Variants in RAF1 observed in about 807,000 individuals in gnomAD.
The protein encoded by RAF1 is Raf-1 proto-oncogene, serine/threonine kinase.
Under a neutral mutation model 81.1 loss-of-function variants are expected in RAF1, and 27 were observed. That is an observed-to-expected ratio of 0.33 (90% CI 0.25 to 0.46). The LOEUF (loss-of-function observed/expected upper bound fraction) is 0.46. Among genes scored for constraint, RAF1 ranks in the 20% least tolerant of loss-of-function variants. The pLI, the probability that RAF1 is intolerant of heterozygous loss-of-function variation, is 1.00. For synonymous variants in RAF1, 298 were observed against 294.0 expected, an observed-to-expected ratio of 1.01 and a Z score of -0.14; for missense variants, 598 against 826.0, an observed-to-expected ratio of 0.72 and a Z score of 3.38.
At chr3:12,589,380 C>T (rs2058430198) in intron 13 of RAF1, 2 of 152,128 alleles carry the variant, frequency 1.3e-5, no homozygotes, top group South Asian at 4.1e-4. Context: ...ACACAGAAGG[C>T]AACTTCCATA....
chr3:12,607,881 G>A (rs1396106779), intron 5 of RAF1, among the ~76,000 whole-genome samples: 2 of 145,362 alleles, frequency 1.4e-5, no homozygotes, highest in African/African-American at 5.1e-5. Flanking sequence ...AACCTGGGAG[G>A]CAGAGGTTGC....
intron 1 of RAF1, among the ~76,000 whole-genome samples, chr3:12,634,297 C>G (rs1440676537): frequency 6.6e-6 from 1 of 151,880 alleles, no homozygotes; most frequent in Non-Finnish European, 1.5e-5. Context: ...CAAGCACACA[C>G]TACCACGCCT....
intron 1 of RAF1, among the ~76,000 whole-genome samples, chr3:12,656,585 A>C (rs2060701212): frequency 6.6e-6 from 1 of 152,214 alleles, no homozygotes. Context: ...TTGCTGTGTA[A>C]GACAAGGTTT....
chr3:12,603,607 A>C (rs1041695321), intron 7 of RAF1: 1 of 643,412 alleles, frequency 1.6e-6, no homozygotes, highest in African/African-American at 1.8e-5. Flanking sequence ...TTCAGTTGTT[A>C]TTAAAGATGA....
Position 12,584,893 on chromosome 3 carries a change from G to A in RAF1, c.1817C>T (p.Ala606Val). ...TTCCTTTACTTTCTTCACACAGTCA[G>A]CTACCAGCCTCTTCATTGCTTTGGG... The change falls in exon 17 of 18, where the codon GCT becomes GTT. Residue 606 changes from alanine to valine, a missense_variant. Physicochemically the swap from Ala to Val is moderately conservative, Grantham distance 64. Around this residue, in one of 5 missense-constraint regions of RAF1, gnomAD observed 147 missense variants for 196.1 expected, o/e 0.75. Transcript: ENST00000442415. The A allele has an allele frequency of 4.3e-6, 7 of 1,614,136 alleles. No homozygotes were observed. Among genetic ancestry groups the A allele is most frequent in the Non-Finnish European group, 5.9e-6 (7 of 1,180,038 alleles).
intron 1 of RAF1, among the ~76,000 whole-genome samples, chr3:12,626,327 C>T (rs571957943): frequency 2.0e-5 from 3 of 151,156 alleles, no homozygotes; most frequent in African/African-American, 4.9e-5. Context: ...TGGCTCTCAC[C>T]TGCAAATCCC....
chr3:12,604,096 T>C, intron 7 of RAF1, 40 bp downstream of exon 7: 3 of 1,611,374 alleles, frequency 1.9e-6, no homozygotes, highest in Non-Finnish European at 2.5e-6. Context: ...CCTCACCCCA[T>C]TAATTGACTG....
chr3:12,663,853 G>A lies in RAF1; in HGVS notation c.-67C>T. 1 of 397,936 alleles carries A rather than the reference G, an allele frequency of 2.5e-6. No individual in the cohort carries two copies. The highest frequency in any genetic ancestry group is 4.4e-6 in the Non-Finnish European group (1 of 225,592). 24.7% of individuals were successfully genotyped at this position (397,936 alleles called of 1,614,324 possible). A position where few individuals can be genotyped will look rare whatever the true frequency, so the allele number is the denominator to read the frequency against. ...CGCCCCAACGTCCTGTCGTTCGGCG[G>A]CAGCTTCTCGCCCGCTCCTCCTCCC... On this transcript the variant is annotated 5_prime_UTR_variant, in exon 1 of 18. Coordinates refer to ENST00000442415, the MANE Select transcript of RAF1 (RefSeq NM_001354689.3).
At position 12,617,874 on chromosome 3, in the gene RAF1, G is replaced by A. The variant is rs1310222504; in HGVS notation, c.207+641C>T. Among the ~76,000 whole-genome samples, 11 of 97,484 alleles carry A rather than the reference G, an allele frequency of 1.1e-4. No homozygotes were observed. In the Admixed American group the frequency reaches 1.2e-3, roughly 10 times the overall value. The allele number at this position is 97,484 out of a possible 152,430, so 64.0% of individuals were successfully genotyped here. A position where few individuals can be genotyped will look rare whatever the true frequency, so the allele number is the denominator to read the frequency against. ...AGCCTGGGTGACAGAGTGAGAATCC[G>A]TCTCAAAAAAAAAAAAAAGAAAAGA... is the stretch of plus-strand genomic sequence containing the variant. On this transcript the variant is annotated intron_variant, in intron 2 of 17. Coordinates refer to ENST00000442415, the MANE Select transcript of RAF1 (RefSeq NM_001354689.3).
At chr3:12,644,318 GTTATT>G (rs2060279688) in intron 1 of RAF1, among the ~76,000 whole-genome samples, 1 of 152,162 alleles carries the variant, frequency 6.6e-6, no homozygotes, top group African/African-American at 2.4e-5. Flanking sequence ...CAGTGAAAAT[GTTATT>G]TTATCAACGT....
chr3:12,622,175 A>G (rs569754254), intron 1 of RAF1, among the ~76,000 whole-genome samples: 1 of 151,980 alleles, frequency 6.6e-6, no homozygotes, highest in South Asian at 2.1e-4. Context: ...TTTTTTCTAG[A>G]TCTTTGAGTT....
intron 8 of RAF1, among the ~76,000 whole-genome samples, chr3:12,602,750 T>C (rs1309834717): frequency 6.6e-6 from 1 of 152,220 alleles, no homozygotes; most frequent in Non-Finnish European, 1.5e-5. Context: ...ATAAAATTTA[T>C]AGCTTATACA....
chr3:12,603,332 A>G, intron 8 of RAF1: 1 of 545,730 alleles, frequency 1.8e-6, no homozygotes, highest in Admixed American at 3.1e-5. Flanking sequence ...TTTTAAAAAG[A>G]AAGAAAGAAA....
chr3:12,655,415 A>G (rs11128609), intron 1 of RAF1, among the ~76,000 whole-genome samples: 1 of 152,216 alleles, frequency 6.6e-6, no homozygotes, highest in Non-Finnish European at 1.5e-5. Flanking sequence ...ATTAAAAAAG[A>G]AAAAATAACA....
At chr3:12,593,147 G>A (rs1348226408) in intron 11 of RAF1, among the ~76,000 whole-genome samples, 1 of 147,818 alleles carries the variant, frequency 6.8e-6, no homozygotes, top group Non-Finnish European at 1.5e-5. Context: ...CTGGAATGCA[G>A]TGGCACAATC....
intron 1 of RAF1, among the ~76,000 whole-genome samples, chr3:12,658,741 C>A (rs938624289): frequency 6.6e-6 from 1 of 152,144 alleles, no homozygotes; most frequent in African/African-American, 2.4e-5. Flanking sequence ...TAAGCCCCAC[C>A]CAGTAAAACC....
intron 1 of RAF1, among the ~76,000 whole-genome samples, chr3:12,648,797 T>C (rs2060431341): frequency 6.6e-6 from 1 of 151,528 alleles, no homozygotes; most frequent in South Asian, 2.1e-4. Context: ...CACTTCCTTC[T>C]GGAGTCAATG....
chr3:12,598,123 A>G (rs1324042475), intron 11 of RAF1, among the ~76,000 whole-genome samples: 1 of 150,802 alleles, frequency 6.6e-6, no homozygotes, highest in Non-Finnish European at 1.5e-5. Context: ...AGCTCAAGCA[A>G]TCTTCCTGCC....
chr3:12,597,560 A>G (rs181728887), intron 11 of RAF1, among the ~76,000 whole-genome samples: 2 of 152,212 alleles, frequency 1.3e-5, no homozygotes, highest in Non-Finnish European at 2.9e-5. Context: ...CAAGTGCTCT[A>G]TCCCACAAAG....
Sources: gnomAD v4.1 joint callset for allele counts (sites outside exome capture counted in the v4.1 genomes callset) on GRCh38, gnomAD v4.1.1 for gene constraint, gnomAD v4.1.1 regional missense constraint, MANE v1.5 for transcripts, NCBI Gene and HGNC (gene_info 2026-07-23, HGNC 2026-07-21) for gene names.